The following RPS6KA2 variants were observed in gnomAD, a reference collection of about 807,000 sequenced individuals.
The protein encoded by RPS6KA2 is ribosomal protein S6 kinase alpha-2.
Under a neutral mutation model 91.8 loss-of-function variants are expected in RPS6KA2, and 42 were observed. That is an observed-to-expected ratio of 0.46 (90% confidence interval 0.36 to 0.59). The LOEUF is 0.59. Among genes scored for constraint, RPS6KA2 ranks in the 20% least tolerant of loss-of-function variants. The pLI is 0.00. For synonymous variants in RPS6KA2, 414 were observed against 393.6 expected (o/e 1.05, Z -0.61); for missense variants, 798 against 978.5 (o/e 0.82, Z 2.46).
intron 2 of RPS6KA2, among the ~76,000 whole-genome samples, chr6:166,751,740 A>C (rs1383054345): frequency 6.6e-6 from 1 of 152,264 alleles, no homozygotes; most frequent in Non-Finnish European, 1.5e-5. Context: ...AGTGAAGTCC[A>C]ATAGTCAGCC....
At chr6:166,795,653 G>C (rs1446047865) in intron 2 of RPS6KA2, among the ~76,000 whole-genome samples, 9 of 152,228 alleles carry the variant, frequency 5.9e-5, no homozygotes, top group Admixed American at 1.3e-4. Flanking sequence ...AATGAGGACT[G>C]CGGGGTGAGA....
chr6:166,483,429 G>A (rs1284900821), intron 10 of RPS6KA2, among the ~76,000 whole-genome samples: 1 of 152,182 alleles, frequency 6.6e-6, no homozygotes, highest in Non-Finnish European at 1.5e-5. Flanking sequence ...CAACACCAGA[G>A]AATCCACCGC....
intron 2 of RPS6KA2, among the ~76,000 whole-genome samples, chr6:166,856,672 A>G (rs572077688): frequency 6.6e-6 from 1 of 152,354 alleles, no homozygotes; most frequent in Admixed American, 6.5e-5. Context: ...CCTGGAAATC[A>G]CAGTTCCTAC....
At chr6:166,498,279 C>G (rs150649322) in intron 8 of RPS6KA2, among the ~76,000 whole-genome samples, 1 of 152,260 alleles carries the variant, frequency 6.6e-6, no homozygotes, top group African/African-American at 2.4e-5. Flanking sequence ...ACTCCTCCCA[C>G]GTCTGCGTTT....
chr6:166,792,959 C>A (rs898431179), intron 2 of RPS6KA2, among the ~76,000 whole-genome samples: 3 of 152,084 alleles, frequency 2.0e-5, no homozygotes, highest in African/African-American at 7.3e-5. Context: ...CAGGGATGAC[C>A]TCTCTCACCA....
intron 2 of RPS6KA2, among the ~76,000 whole-genome samples, chr6:166,807,665 A>G (rs1779525995): frequency 6.6e-6 from 1 of 151,304 alleles, no homozygotes; most frequent in East Asian, 2.0e-4. Context: ...TTCTCCCCCA[A>G]CTTGCTCTGC....
chr6:166,844,450 T>C (rs925273199), intron 2 of RPS6KA2, among the ~76,000 whole-genome samples: 1 of 152,270 alleles, frequency 6.6e-6, no homozygotes, highest in Non-Finnish European at 1.5e-5. Flanking sequence ...AAAAAGATCA[T>C]TGCCTAGACA....
rs376264411 is a variant in RPS6KA2 at position 166,690,484 on chromosome 6, A to C, written c.124-151700T>G. ...CCTGCGTGGCTAGAATTATGTCTCA[A>C]GGTGCCAAACAGCTTTACACAGTTC... On this transcript the variant is annotated intron_variant, in intron 2 of 21. Coordinates refer to the RPS6KA2 transcript ENST00000503859. Among the ~76,000 whole-genome samples, 161 of 152,346 alleles carry C rather than the reference A, an allele frequency of 1.1e-3. 1 individual carries two copies. The highest frequency in any genetic ancestry group is 3.7e-3 in the African/African-American group (155 of 41,584).
At chr6:166,492,348 A>G (rs1462046098) in intron 8 of RPS6KA2, among the ~76,000 whole-genome samples, 1 of 152,130 alleles carries the variant, frequency 6.6e-6, no homozygotes, top group Admixed American at 6.5e-5. Context: ...AAAAGAGACA[A>G]GTGTAATTAA....
chr6:166,660,659 G>T (rs936402480), intron 2 of RPS6KA2, among the ~76,000 whole-genome samples: 1 of 152,038 alleles, frequency 6.6e-6, no homozygotes, highest in Admixed American at 6.6e-5. Flanking sequence ...GAATCATTTG[G>T]GTTACATGAG....
chr6:166,785,581 C>T (rs144576256), intron 2 of RPS6KA2, among the ~76,000 whole-genome samples: 2 of 152,252 alleles, frequency 1.3e-5, no homozygotes. Context: ...GTGGTCCTTA[C>T]GAGAATCTGA....
chr6:166,734,526 G>A (rs1024629728), intron 2 of RPS6KA2, among the ~76,000 whole-genome samples: 1 of 152,210 alleles, frequency 6.6e-6, no homozygotes, highest in African/African-American at 2.4e-5. Context: ...TATTGGTGAA[G>A]TAATTAGGAG....
intron 2 of RPS6KA2, among the ~76,000 whole-genome samples, chr6:166,705,849 G>A (rs1789666709): frequency 1.3e-5 from 2 of 152,180 alleles, no homozygotes; most frequent in African/African-American, 2.4e-5. Context: ...TAACTCTTAT[G>A]TTGAAATCTA....
At chr6:166,636,336 G>C (rs562450748) in intron 2 of RPS6KA2, among the ~76,000 whole-genome samples, 1 of 149,964 alleles carries the variant, frequency 6.7e-6, no homozygotes, top group Admixed American at 6.6e-5. Flanking sequence ...TTGAATCAGC[G>C]CCTCCCTGCA....
Position 166,469,739 on chromosome 6 carries a change from T to C in RPS6KA2, c.972+102A>G, listed in dbSNP as rs1349114566. Reference sequence around the variant, plus strand: ...TTGTCTACATTCACCTCCGACCTACTTGTGACCCGGACACTGAGGACCCTC... The same window carrying C: ...TTGTCTACATTCACCTCCGACCTACCTGTGACCCGGACACTGAGGACCCTC... On this transcript the variant is annotated intron_variant, in intron 11 of 20. Coordinates refer to ENST00000265678, the MANE Select transcript of RPS6KA2 (RefSeq NM_021135.6). 4 of 1,073,434 alleles carry C rather than the reference T, an allele frequency of 3.7e-6. No homozygotes were observed. In the East Asian group the frequency reaches 7.1e-5, roughly 19 times the overall value. The allele number at this position is 1,073,434 out of a possible 1,614,324, so 66.5% of individuals were successfully genotyped here.
rs183883924 is a variant in RPS6KA2 at position 166,727,007 on chromosome 6, C to G, written c.123+131193G>C. 1.5e-3 allele frequency among the ~76,000 whole-genome samples: 227 copies of G among 152,296 alleles called. 2 individuals are homozygous for G. The highest frequency in any genetic ancestry group is 1.9e-3 in the Non-Finnish European group (128 of 68,028). ...GGTATCTAGGTGTTCCTCCACTGAT[C>G]AGAAACTTACACGACTTTATCAGAA... On this transcript the variant is annotated intron_variant, in intron 2 of 21. Transcript: ENST00000503859.
chr6:166,423,174 G>A lies in RPS6KA2; in HGVS notation c.1743+82C>T. 6.9e-7 allele frequency: 1 copy of A among 1,441,444 alleles called. No individual in the cohort carries two copies. The highest frequency in any genetic ancestry group is 9.4e-7 in the Non-Finnish European group (1 of 1,063,256). 89.3% of individuals were successfully genotyped at this position (1,441,444 alleles called of 1,614,324 possible). On this transcript the variant is annotated intron_variant, in intron 17 of 20. Coordinates refer to ENST00000265678, the MANE Select transcript of RPS6KA2 (RefSeq NM_021135.6). This position sits in a 1 kb window ranked among gnomAD's most constrained non-coding sequence, Gnocchi z 4.8. Reference sequence around the variant, plus strand: ...TCAAGCCGCCTCTGACATCCCCGCTGTCCGGTGGCTCTGCAGTGGGAGGGG... The same window carrying A: ...TCAAGCCGCCTCTGACATCCCCGCTATCCGGTGGCTCTGCAGTGGGAGGGG...
intron 2 of RPS6KA2, among the ~76,000 whole-genome samples, chr6:166,784,894 T>A (rs1200769155): frequency 6.6e-6 from 1 of 152,244 alleles, no homozygotes; most frequent in Non-Finnish European, 1.5e-5. Flanking sequence ...GAATAATCCC[T>A]GTTTGCCTCA....
Position 166,517,466 on chromosome 6 carries a change from T to TG in RPS6KA2, c.299-7110_299-7109insC, listed in dbSNP as rs1782692942. On this transcript the variant is annotated intron_variant, in intron 3 of 20. Transcript: ENST00000265678. ...CGTTCTTTTGTTTTGTTTTTTTTTT[T>TG]TTTTTTTTTTTTTTTTTTTTGAGAC... is the stretch of plus-strand genomic sequence containing the variant. Among the ~76,000 whole-genome samples, 16 of 56,194 alleles carry TG rather than the reference T, an allele frequency of 2.8e-4. No individual in the cohort carries two copies. The South Asian group carries it at 9.9e-3, about 35-fold the overall frequency. 36.9% of individuals were successfully genotyped at this position (56,194 alleles called of 152,430 possible). A position where few individuals can be genotyped will look rare whatever the true frequency, so the allele number is the denominator to read the frequency against.
Sources: gnomAD v4.1 joint callset for allele counts (sites outside exome capture counted in the v4.1 genomes callset) on GRCh38, gnomAD v4.1.1 for gene constraint, Gnocchi (gnomAD v3.1) non-coding constraint, MANE v1.5 for transcripts, NCBI Gene and HGNC (gene_info 2026-07-23, HGNC 2026-07-21) for gene names.